Variants in CNTN4 observed in about 807,000 individuals in gnomAD.
CNTN4 encodes the protein contactin-4.
CNTN4 carries 77 observed loss-of-function variants against 122.5 expected under a neutral mutation model. The observed-to-expected ratio is 0.63, with a 90% confidence interval of 0.52 to 0.76. The LOEUF (loss-of-function observed/expected upper bound fraction) is 0.76, where lower values mean the gene tolerates loss of function less well. CNTN4 is among the 30% of genes least tolerant of loss of function. CNTN4 has a pLI of 0.00. For missense variants in CNTN4, 1,256 were observed against 1,259.1 expected (o/e 1.00, Z 0.04); for synonymous variants, 512 against 447.0 (o/e 1.15, Z -1.83).
chr3:2,798,066 C>CCCTCCCAT (rs57610200), intron 6 of CNTN4, among the ~76,000 whole-genome samples: 90,765 of 146,158 alleles, frequency 0.62, 28,326 homozygotes, highest in South Asian at 0.75. Flanking sequence ...TTTTTTTAAT[C>CCCTCCCAT]CCTCCCACCC....
intron 4 of CNTN4, among the ~76,000 whole-genome samples, chr3:2,700,353 A>G (rs1231031902): frequency 6.6e-6 from 1 of 152,232 alleles, no homozygotes; most frequent in Non-Finnish European, 1.5e-5. Context: ...CAAGAATTCC[A>G]GGTCCTTGCA....
In CNTN4 at chr3:2,709,449, G is replaced by A. The variant is rs989048089; in HGVS notation, c.56-26766G>A. On this transcript the variant is annotated intron_variant, in intron 4 of 24. Coordinates refer to ENST00000418658, the MANE Select transcript of CNTN4 (RefSeq NM_175607.3). The surrounding 1 kb of genome is among the most constrained non-coding windows in gnomAD (Gnocchi z 5.0). ...CAAAGTTCCCTCAGGTGATCATCGT[G>A]TGCAATGGGGGATGGGAACTACTGA... is the stretch of plus-strand genomic sequence containing the variant. Among the ~76,000 whole-genome samples the A allele has an allele frequency of 4.6e-5, 7 of 152,026 alleles. No homozygotes were observed. Among genetic ancestry groups the A allele is most frequent in the African/African-American group, 1.7e-4 (7 of 41,398 alleles).
chr3:2,383,958 A>G (rs563255224), intron 3 of CNTN4, among the ~76,000 whole-genome samples: 1 of 152,214 alleles, frequency 6.6e-6, no homozygotes, highest in Non-Finnish European at 1.5e-5. Flanking sequence ...GTATGTATAT[A>G]TCACAACCAT....
At chr3:2,144,493 C>T (rs1433011593) in intron 2 of CNTN4, among the ~76,000 whole-genome samples, 1 of 152,144 alleles carries the variant, frequency 6.6e-6, no homozygotes, top group East Asian at 1.9e-4. Flanking sequence ...GAAGAATCAT[C>T]AACCTTGGCT....
chr3:2,181,664 C>G (rs750118168), intron 2 of CNTN4, among the ~76,000 whole-genome samples: 10 of 152,034 alleles, frequency 6.6e-5, no homozygotes, highest in Non-Finnish European at 1.3e-4. Context: ...TTAAAAAAAG[C>G]CAAAGTTGCT....
chr3:2,180,593 G>T (rs1254217290), intron 2 of CNTN4, among the ~76,000 whole-genome samples: 2 of 152,028 alleles, frequency 1.3e-5, no homozygotes, highest in East Asian at 3.8e-4. Flanking sequence ...GGTTTCTCCT[G>T]ACCTTCCTTA....
intron 2 of CNTN4, among the ~76,000 whole-genome samples, chr3:2,318,716 T>TCCA (rs1162249181): frequency 1.3e-5 from 2 of 152,186 alleles, no homozygotes; most frequent in African/African-American, 2.4e-5. Context: ...TGGAGCTCAC[T>TCCA]CCACCCTCCA....
rs552156011 is a variant in CNTN4, at chr3:2,371,854, A to G, written c.-89+32621A>G. On this transcript the variant is annotated intron_variant, in intron 3 of 24. Coordinates refer to ENST00000418658, the MANE Select transcript of CNTN4 (RefSeq NM_175607.3). ...TTTCTATTCACTAATTTCCTCTGGC[A>G]GGCAGTGATTGGGAAACATGGTAAA... Among the ~76,000 whole-genome samples the G allele has an allele frequency of 2.0e-5, 3 of 152,352 alleles. No homozygotes were observed. In the East Asian group the frequency reaches 5.8e-4, roughly 29 times the overall value.
intron 2 of CNTN4, among the ~76,000 whole-genome samples, chr3:2,308,215 A>C (rs886886112): frequency 1.3e-5 from 2 of 151,978 alleles, no homozygotes; most frequent in African/African-American, 2.4e-5. Flanking sequence ...TTGCCTTATA[A>C]TCCTTTTTAT....
chr3:2,631,221 T>G (rs1035212456), intron 4 of CNTN4, among the ~76,000 whole-genome samples: 2 of 152,178 alleles, frequency 1.3e-5, no homozygotes, highest in African/African-American at 4.8e-5. Context: ...TAGTTACTCT[T>G]AAGGTTAAAA....
chr3:2,471,729 T>C (rs1035084537), intron 3 of CNTN4, among the ~76,000 whole-genome samples: 2 of 152,108 alleles, frequency 1.3e-5, no homozygotes, highest in African/African-American at 4.8e-5. Context: ...TTAAAAAAGC[T>C]CTCCTCTAAA....
At chr3:2,347,455 T>C (rs2044442076) in intron 3 of CNTN4, among the ~76,000 whole-genome samples, 1 of 122,892 alleles carries the variant, frequency 8.1e-6, no homozygotes, top group African/African-American at 3.0e-5. Context: ...TGTCGCCCAG[T>C]CTGGAGTGCA....
intron 6 of CNTN4, among the ~76,000 whole-genome samples, chr3:2,806,609 A>C (rs76572256): frequency 0.017 from 2,542 of 152,342 alleles, 33 homozygotes; most frequent in Non-Finnish European, 0.023. Context: ...CCACTTCTTC[A>C]GCAGCTTAGA....
chr3:2,541,724 A>G (rs1021124276), intron 3 of CNTN4, among the ~76,000 whole-genome samples: 2 of 152,140 alleles, frequency 1.3e-5, no homozygotes, highest in Non-Finnish European at 2.9e-5. Context: ...CTACCAGAGT[A>G]TATGTCAGAT....
chr3:3,017,873 T>C (rs1356065293), intron 14 of CNTN4, among the ~76,000 whole-genome samples: 1 of 152,148 alleles, frequency 6.6e-6, no homozygotes, highest in African/African-American at 2.4e-5. Context: ...CCTTCAAAAG[T>C]AGCAATAACG....
intron 7 of CNTN4, among the ~76,000 whole-genome samples, chr3:2,862,597 A>G (rs920857828): frequency 2.6e-5 from 4 of 152,330 alleles, no homozygotes; most frequent in South Asian, 2.1e-4. Flanking sequence ...AAAATTGCCA[A>G]TGGGACAGAA....
intron 12 of CNTN4, among the ~76,000 whole-genome samples, chr3:2,925,275 G>T (rs2094462727): frequency 6.6e-6 from 1 of 152,240 alleles, no homozygotes; most frequent in Non-Finnish European, 1.5e-5. Flanking sequence ...AGAAAAAGAT[G>T]CTGGGTGTGG....
intron 4 of CNTN4, among the ~76,000 whole-genome samples, chr3:2,621,907 T>C (rs1272975493): frequency 6.6e-6 from 1 of 152,122 alleles, no homozygotes; most frequent in African/African-American, 2.4e-5. Context: ...GTGTCCAGCA[T>C]GGTACTTGCA....
intron 5 of CNTN4, among the ~76,000 whole-genome samples, chr3:2,740,038 T>G (rs1189337291): frequency 6.6e-6 from 1 of 152,160 alleles, no homozygotes; most frequent in Admixed American, 6.5e-5. Context: ...ACCTTTTTTT[T>G]TCCCCCAAGT....
Sources: gnomAD v4.1 joint callset for allele counts (sites outside exome capture counted in the v4.1 genomes callset) on GRCh38, gnomAD v4.1.1 for gene constraint, Gnocchi (gnomAD v3.1) non-coding constraint, MANE v1.5 for transcripts, NCBI Gene and HGNC (gene_info 2026-07-23, HGNC 2026-07-21) for gene names.